KAZN: variants seen among roughly 807,000 people sequenced by gnomAD.
KAZN encodes kazrin.
In KAZN, 40 loss-of-function variants were observed where a neutral mutation model predicts 87.4. The observed-to-expected ratio is 0.46, with a 90% CI of 0.36 to 0.60. The LOEUF (loss-of-function observed/expected upper bound fraction) is 0.60. Among genes scored for constraint, KAZN ranks in the 20% least tolerant of loss-of-function variants. KAZN has a pLI of 0.00. For missense variants in KAZN, 898 were observed against 1,073.9 expected, an observed-to-expected ratio of 0.84 and a Z score of 2.29; for synonymous variants, 466 against 458.3, an observed-to-expected ratio of 1.02 and a Z score of -0.22.
At chr1:14,715,945 G>A (rs1277408502) in intron 1 of KAZN, among the ~76,000 whole-genome samples, 1 of 152,160 alleles carries the variant, frequency 6.6e-6, no homozygotes, top group Admixed American at 6.5e-5. Context: ...TCTAAGGATG[G>A]GGGTGAAAGC....
intron 2 of KAZN, among the ~76,000 whole-genome samples, chr1:14,415,086 G>C (rs1490742518): frequency 1.3e-5 from 2 of 152,100 alleles, no homozygotes; most frequent in Non-Finnish European, 2.9e-5. Context: ...AGCTTCAATT[G>C]TATCTACAAA....
chr1:14,697,140 C>CA (rs1172632955), intron 1 of KAZN, among the ~76,000 whole-genome samples: 799 of 67,586 alleles, frequency 0.012, 1 homozygote, highest in African/African-American at 0.028. Flanking sequence ...AACAAACCAA[C>CA]AAAAAAAAAA....
intron 2 of KAZN, among the ~76,000 whole-genome samples, chr1:14,293,043 T>C (rs1031833667): frequency 2.0e-5 from 3 of 152,138 alleles, no homozygotes; most frequent in African/African-American, 7.2e-5. Flanking sequence ...GAGGACCAAG[T>C]GTGAGCCAGG....
chr1:14,550,738 T>TCTCTCC (rs1329797253), intron 2 of KAZN, among the ~76,000 whole-genome samples: 19 of 37,984 alleles, frequency 5.0e-4, no homozygotes, highest in African/African-American at 1.6e-3. Context: ...TCTCTCTCTC[T>TCTCTCC]CCCCCACCCC....
intron 1 of KAZN, among the ~76,000 whole-genome samples, chr1:14,097,257 T>G (rs1443080206): frequency 1.3e-5 from 2 of 152,206 alleles, no homozygotes; most frequent in Non-Finnish European, 2.9e-5. Context: ...GATAGGAAGC[T>G]ATTGCCATAG....
chr1:14,266,667 G>A (rs550140004), intron 2 of KAZN, among the ~76,000 whole-genome samples: 1 of 152,274 alleles, frequency 6.6e-6, no homozygotes, highest in South Asian at 2.1e-4. Flanking sequence ...GTGAGGTGGG[G>A]ACCAGTCGTG....
In KAZN at chr1:14,401,652, C is replaced by CA. The variant is rs1259117635; in HGVS notation, c.250-197325dup. ...GGAATATGGTGAAACCCCATCTCTACAAAAAATACAAAAATTAGCCAGTCT... is the reference window on the plus strand; with the variant it reads ...GGAATATGGTGAAACCCCATCTCTACAAAAAAATACAAAAATTAGCCAGTCT... On this transcript the variant is annotated intron_variant, in intron 2 of 16. Coordinates refer to the KAZN transcript ENST00000636203. Among the ~76,000 whole-genome samples, 5 of 151,746 alleles carry CA rather than the reference C, an allele frequency of 3.3e-5. No individual in the cohort carries two copies. In the East Asian group the frequency reaches 7.7e-4, roughly 23 times the overall value.
At chr1:14,417,145 T>A (rs905074116) in intron 2 of KAZN, among the ~76,000 whole-genome samples, 1 of 147,960 alleles carries the variant, frequency 6.8e-6, no homozygotes, top group African/African-American at 2.5e-5. Flanking sequence ...TGACCCAAGA[T>A]TGCACCTGGG....
At position 14,601,316 on chromosome 1, in the gene KAZN, A is replaced by G. The variant is rs76902421; in HGVS notation, c.226+2093A>G. Among the ~76,000 whole-genome samples, 647 of 152,342 alleles carry G rather than the reference A, an allele frequency of 4.2e-3. 9 individuals are homozygous for G. The highest frequency in any genetic ancestry group is 0.015 in the African/African-American group (605 of 41,586). On this transcript the variant is annotated intron_variant, in intron 1 of 14. Transcript: ENST00000376030. ...CGCATAACCGTCTAAACTGATATGCATTTCAACAGATGTGATGGTTGAAAA... is the reference window on the plus strand; with the variant it reads ...CGCATAACCGTCTAAACTGATATGCGTTTCAACAGATGTGATGGTTGAAAA...
At chr1:14,925,213 C>G (rs1659040834) in intron 1 of KAZN, among the ~76,000 whole-genome samples, 1 of 152,198 alleles carries the variant, frequency 6.6e-6, no homozygotes, top group African/African-American at 2.4e-5. Flanking sequence ...CCATCCCACT[C>G]AGGCCTGCGC....
At chr1:14,766,818 A>G (rs973105721) in intron 1 of KAZN, among the ~76,000 whole-genome samples, 7 of 151,768 alleles carry the variant, frequency 4.6e-5, no homozygotes, top group Non-Finnish European at 5.9e-5. Context: ...TCTTAGAATC[A>G]CTGGGAGGAC....
intron 1 of KAZN, among the ~76,000 whole-genome samples, chr1:13,914,232 T>C (rs1421713827): frequency 6.6e-6 from 1 of 152,218 alleles, no homozygotes; most frequent in Non-Finnish European, 1.5e-5. Context: ...CCTAGAAATC[T>C]CACTATTGCC....
chr1:14,593,191 A>T (rs961543930), intron 2 of KAZN, among the ~76,000 whole-genome samples: 12 of 152,352 alleles, frequency 7.9e-5, no homozygotes, highest in African/African-American at 2.9e-4. Context: ...CAAAATTAAG[A>T]TGTGACTAGA....
At chr1:14,083,125 G>T (rs958794459) in intron 1 of KAZN, among the ~76,000 whole-genome samples, 1 of 152,180 alleles carries the variant, frequency 6.6e-6, no homozygotes, top group Admixed American at 6.5e-5. Context: ...TAAAAGTCCA[G>T]GCTGTCCCCA....
chr1:14,801,089 G>A (rs189712137), intron 1 of KAZN, among the ~76,000 whole-genome samples: 264 of 151,862 alleles, frequency 1.7e-3, no homozygotes, highest in Admixed American at 1.5e-3. Flanking sequence ...AAAGAGTCAC[G>A]GGGCGCAGAG....
intron 2 of KAZN, among the ~76,000 whole-genome samples, chr1:14,297,335 A>G (rs936426239): frequency 6.6e-6 from 1 of 152,232 alleles, no homozygotes; most frequent in African/African-American, 2.4e-5. Context: ...GAATGGGTCC[A>G]TCCTGTCTTA....
chr1:14,604,856 T>G (rs1013563560), intron 1 of KAZN, among the ~76,000 whole-genome samples: 2 of 152,206 alleles, frequency 1.3e-5, no homozygotes, highest in Non-Finnish European at 2.9e-5. Context: ...CCCCAGGGCC[T>G]CTGCCCACTT....
chr1:13,973,712 C>T (rs545594147), intron 1 of KAZN, among the ~76,000 whole-genome samples: 7 of 152,310 alleles, frequency 4.6e-5, no homozygotes, highest in East Asian at 3.9e-4. Flanking sequence ...TTGACAGTGT[C>T]GTGCATCTTC....
intron 1 of KAZN, among the ~76,000 whole-genome samples, chr1:14,125,314 G>A (rs1286440239): frequency 6.6e-6 from 1 of 152,140 alleles, no homozygotes; most frequent in Non-Finnish European, 1.5e-5. Context: ...TGGGGCTTGG[G>A]GGTCAATGGT....
Sources: allele counts gnomAD v4.1 joint callset (sites outside exome capture counted in the v4.1 genomes callset), GRCh38; gene constraint gnomAD v4.1.1; transcripts MANE v1.5; gene names NCBI Gene and HGNC (gene_info 2026-07-23, HGNC 2026-07-21).